Variants in P4HA3 observed in about 807,000 individuals in gnomAD.
P4HA3 encodes prolyl 4-hydroxylase subunit alpha 3.
A neutral mutation model predicts 66.7 loss-of-function variants in P4HA3; 60 were observed. That is an observed-to-expected ratio of 0.90 (90% confidence interval 0.73 to 1.12). The LOEUF (loss-of-function observed/expected upper bound fraction) is 1.12. P4HA3 is among the 50% of genes most tolerant of loss of function. The probability of loss-of-function intolerance (pLI) is 0.00; values close to 1 mark genes in which losing one functional copy is unlikely to be tolerated. For synonymous variants in P4HA3, 263 were observed against 274.6 expected, an observed-to-expected ratio of 0.96 and a Z score of 0.42; for missense variants, 683 against 685.8, an observed-to-expected ratio of 1.00 and a Z score of 0.05.
At chr11:74,285,180 CTG>C (rs1482917483) in intron 7 of P4HA3, among the ~76,000 whole-genome samples, 7 of 152,032 alleles carry the variant, frequency 4.6e-5, no homozygotes, top group Admixed American at 2.6e-4. Context: ...CTGAGAATAA[CTG>C]AAACCACAGA....
chr11:74,305,793 T>C (rs72986741), intron 1 of P4HA3, among the ~76,000 whole-genome samples: 3,941 of 152,200 alleles, frequency 0.026, 68 homozygotes, highest in Non-Finnish European at 0.039. Flanking sequence ...CATATTTCTA[T>C]GAAAGAAAGA....
chr11:74,273,922 T>C (rs967184640), intron 9 of P4HA3, among the ~76,000 whole-genome samples: 1 of 152,102 alleles, frequency 6.6e-6, no homozygotes, highest in African/African-American at 2.4e-5. Flanking sequence ...AATTAATATA[T>C]AAAATATTAC....
rs534013872 is a variant in P4HA3, at chr11:74,255,328, A to G, written c.*1318+4595T>C. Among the ~76,000 whole-genome samples the G allele has an allele frequency of 3.3e-5, 5 of 152,290 alleles. No individual in the cohort carries two copies. The South Asian group carries it at 1.0e-3, about 32-fold the overall frequency. Reference sequence around the variant, plus strand: ...CGTGTCCCCCTCTTTTCCATCCCACAGCCAGTGCCCTAGCTTAGGCCTCAT... The same window carrying G: ...CGTGTCCCCCTCTTTTCCATCCCACGGCCAGTGCCCTAGCTTAGGCCTCAT... On this transcript the variant is annotated intron_variant and NMD_transcript_variant, in intron 15 of 15. Coordinates refer to the P4HA3 transcript ENST00000524388.
At position 74,302,430 on chromosome 11, in the gene P4HA3, T is replaced by C. The variant is rs1861436551; in HGVS notation, c.506A>G (p.Asp169Gly). 1.9e-6 allele frequency: 3 copies of C among 1,613,926 alleles called. No homozygotes were observed. The African/African-American group carries it at 4.0e-5, about 22-fold the overall frequency. Reference protein sequence around the residue: ...FQRVTGSAITDLYSPKRLFSL... With the variant: ...FQRVTGSAITGLYSPKRLFSL... ...AAAGAGCCGTTTGGGGCTGTACAGGTCAGTGATGGCAGAGCCAGTGACTCT... is the reference window on the plus strand; with the variant it reads ...AAAGAGCCGTTTGGGGCTGTACAGGCCAGTGATGGCAGAGCCAGTGACTCT... The change falls in exon 3 of 13, where the codon GAC (aspartate) becomes GGC (glycine). Residue 169 changes from aspartate to glycine, a missense_variant. Asp to Gly is a moderately conservative substitution (Grantham distance 94). Coordinates refer to ENST00000331597, the MANE Select transcript of P4HA3 (RefSeq NM_182904.5).
intron 15 of P4HA3, among the ~76,000 whole-genome samples, chr11:74,257,419 C>T (rs1037816838): frequency 6.6e-6 from 1 of 152,102 alleles, no homozygotes; most frequent in Non-Finnish European, 1.5e-5. Context: ...GCCACCACAC[C>T]CAGCCAAGAG....
intron 5 of P4HA3, among the ~76,000 whole-genome samples, chr11:74,288,550 C>G (rs186988600): frequency 2.6e-5 from 4 of 152,292 alleles, no homozygotes; most frequent in Admixed American, 2.6e-4. Context: ...AGGTTGATAT[C>G]TTCTCAGCAT....
Position 74,267,255 on chromosome 11 carries a change from T to C in P4HA3, c.1628A>G (p.Glu543Gly). 2 of 1,614,208 alleles carry C rather than the reference T, an allele frequency of 1.2e-6. No homozygotes were observed. The highest frequency in any genetic ancestry group is 1.7e-6 in the Non-Finnish European group (2 of 1,180,022). The part of the protein sequence containing the change: ...EFRRPCSSSP[E>G]D ...CTTCTCTCTGCCAACAGTTCAGTCTTCAGGGCTGGAGCTGCAGGGTCTGCG... is the reference window on the plus strand; with the variant it reads ...CTTCTCTCTGCCAACAGTTCAGTCTCCAGGGCTGGAGCTGCAGGGTCTGCG... Residue 543 changes from glutamate (E) to glycine (G), a missense_variant, in exon 13 of 13, where the codon GAA becomes GGA. Glu to Gly is a moderately conservative substitution (Grantham distance 98). Coordinates refer to ENST00000331597, the MANE Select transcript of P4HA3 (RefSeq NM_182904.5).
intron 14 of P4HA3, among the ~76,000 whole-genome samples, chr11:74,260,997 C>T (rs866912600): frequency 6.6e-6 from 1 of 152,208 alleles, no homozygotes; most frequent in Non-Finnish European, 1.5e-5. Context: ...CCAGGCCTCA[C>T]GTGGCCACAG....
At chr11:74,279,941 A>C (rs947788174) in intron 7 of P4HA3, among the ~76,000 whole-genome samples, 7 of 152,212 alleles carry the variant, frequency 4.6e-5, no homozygotes, top group African/African-American at 1.4e-4. Flanking sequence ...TATTCTAATG[A>C]AAGCCTTTCC....
downstream of P4HA3, among the ~76,000 whole-genome samples, chr11:74,261,792 G>A (rs1859911188): frequency 6.6e-6 from 1 of 152,156 alleles, no homozygotes; most frequent in Admixed American, 6.5e-5. Flanking sequence ...ATAAATGACA[G>A]GCCACACATG....
intron 9 of P4HA3, among the ~76,000 whole-genome samples, chr11:74,275,861 T>C (rs1860376144): frequency 6.6e-6 from 1 of 152,220 alleles, no homozygotes; most frequent in African/African-American, 2.4e-5. Flanking sequence ...CAGATATTTA[T>C]TGCAGCACTA....
chr11:74,251,106 C>A, intron 15 of P4HA3: 2 of 1,534,846 alleles, frequency 1.3e-6, no homozygotes, highest in Non-Finnish European at 1.8e-6. Flanking sequence ...TCTCAGCCTG[C>A]ATTGCCTGCA....
intron 10 of P4HA3, among the ~76,000 whole-genome samples, chr11:74,271,430 T>G (rs1397516548): frequency 6.6e-6 from 1 of 152,170 alleles, no homozygotes; most frequent in African/African-American, 2.4e-5. Context: ...GGATTCTGCA[T>G]GCAATGAAGC....
chr11:74,293,102 A>C (rs1861089470), intron 4 of P4HA3, among the ~76,000 whole-genome samples: 1 of 152,012 alleles, frequency 6.6e-6, no homozygotes, highest in Non-Finnish European at 1.5e-5. Context: ...TAGGTCACTC[A>C]GGACTTGCTT....
Position 74,267,119 on chromosome 11 carries a change from A to C in P4HA3, c.*129T>G. On this transcript the variant is annotated 3_prime_UTR_variant, in exon 13 of 13. Transcript: ENST00000331597. ...ACCTCTCCCTTGCCTCTGATTTGCG[A>C]GGCACAGACAAAGCTGACAAGGCCT... 1 of 1,552,280 alleles carries C rather than the reference A, an allele frequency of 6.4e-7. No individual in the cohort carries two copies. Among genetic ancestry groups the C allele is most frequent in the African/African-American group, 1.3e-5 (1 of 74,176 alleles).
intron 15 of P4HA3, among the ~76,000 whole-genome samples, chr11:74,258,581 T>C (rs1394363060): frequency 2.0e-5 from 3 of 152,130 alleles, no homozygotes; most frequent in African/African-American, 7.2e-5. Flanking sequence ...TCCAGGGTCA[T>C]ACCTTAGCAC....
chr11:74,304,285 T>C lies in P4HA3; in HGVS notation c.328A>G (p.Ser110Gly). 2 of 1,613,886 alleles carry C rather than the reference T, an allele frequency of 1.2e-6. No homozygotes were observed. ...WRNVVHSLEA[S>G]ENIRALKDGY... is the part of the protein sequence containing the mutation. ...TCCTCATTACCTCGGATGTTCTCAC[T>C]GGCCTCCAGACTATGTACCACATTC... is the stretch of plus-strand genomic sequence containing the variant. The change falls in exon 2 of 13, where the codon AGT (serine) becomes GGT (glycine). Residue 110 changes from serine (S) to glycine (G), a missense_variant. Coordinates refer to ENST00000331597, the MANE Select transcript of P4HA3 (RefSeq NM_182904.5).
At chr11:74,262,822 G>A (rs1458312244), downstream of P4HA3, among the ~76,000 whole-genome samples, 2 of 152,200 alleles carry the variant, frequency 1.3e-5, no homozygotes, top group African/African-American at 4.8e-5. Flanking sequence ...CCCAACAGGA[G>A]ACTCTTTCAG....
At chr11:74,280,965 T>C (rs112822710) in intron 7 of P4HA3, among the ~76,000 whole-genome samples, 6,017 of 152,114 alleles carry the variant, frequency 0.04, 127 homozygotes, top group Middle Eastern at 0.11. Flanking sequence ...AGAAAATTTT[T>C]GCAACCTACT....
Sources: gnomAD v4.1 joint callset for allele counts (sites outside exome capture counted in the v4.1 genomes callset) on GRCh38, gnomAD v4.1.1 for gene constraint, MANE v1.5 for transcripts, NCBI Gene and HGNC (gene_info 2026-07-23, HGNC 2026-07-21) for gene names.